The following A1CF variants were observed in gnomAD, a reference collection of about 807,000 sequenced individuals.
A1CF encodes APOBEC-1 stimulating protein.
Under a neutral mutation model 68.9 loss-of-function variants are expected in A1CF, and 48 were observed. The ratio of observed to expected loss-of-function variants is 0.70; its 90% CI spans 0.55 to 0.89. The LOEUF is 0.89. A1CF is among the 40% of genes least tolerant of loss of function. A1CF has a pLI of 0.00. For synonymous variants in A1CF, 272 were observed against 260.4 expected, an observed-to-expected ratio of 1.04 and a Z score of -0.43; for missense variants, 653 against 718.9, an observed-to-expected ratio of 0.91 and a Z score of 1.05.
In A1CF at chr10:50,811,211, T is replaced by C. The variant is rs1440845426; in HGVS notation, c.1324-35A>G. The C allele has an allele frequency of 3.2e-6, 5 of 1,577,322 alleles. No homozygotes were observed. In the African/African-American group the frequency reaches 5.4e-5, roughly 17 times the overall value. Reference sequence around the variant, plus strand: ...TAAAAAAAGTTATTTCCCCCTCAAATGACACATTCACATTATTTCCCAAGT... The same window carrying C: ...TAAAAAAAGTTATTTCCCCCTCAAACGACACATTCACATTATTTCCCAAGT... On this transcript the variant is annotated intron_variant, in intron 10 of 12. Coordinates refer to ENST00000373997, the MANE Select transcript of A1CF (RefSeq NM_014576.4).
chr10:50,868,761 A>G (rs1208117807), intron 1 of A1CF, among the ~76,000 whole-genome samples: 1 of 152,218 alleles, frequency 6.6e-6, no homozygotes, highest in Non-Finnish European at 1.5e-5. Context: ...TTTAAAGAAG[A>G]ACAAGCTTAC....
chr10:50,820,987 CA>C (rs1383865419), intron 7 of A1CF, among the ~76,000 whole-genome samples: 1 of 152,058 alleles, frequency 6.6e-6, no homozygotes, highest in Admixed American at 6.6e-5. Context: ...GAGTTGAACT[CA>C]ATTATTGATC....
intron 1 of A1CF, among the ~76,000 whole-genome samples, chr10:50,866,691 G>C (rs1039961762): frequency 6.6e-6 from 1 of 152,124 alleles, no homozygotes; most frequent in African/African-American, 2.4e-5. Context: ...CATTTATCTT[G>C]TACCTAAAAG....
intron 1 of A1CF, among the ~76,000 whole-genome samples, chr10:50,884,703 T>C (rs1044013954): frequency 6.6e-6 from 1 of 152,214 alleles, no homozygotes; most frequent in Non-Finnish European, 1.5e-5. Context: ...AAAAGTCCTA[T>C]AGTAAATAAA....
chr10:50,846,550 A>G (rs963416273), intron 3 of A1CF, among the ~76,000 whole-genome samples: 2 of 152,232 alleles, frequency 1.3e-5, no homozygotes, highest in African/African-American at 4.8e-5. Flanking sequence ...AGTTGAGGAA[A>G]CCAAACTTTA....
intron 4 of A1CF, among the ~76,000 whole-genome samples, chr10:50,843,364 T>C (rs1054406309): frequency 2.3e-4 from 35 of 152,188 alleles, no homozygotes; most frequent in African/African-American, 7.0e-4. Flanking sequence ...ACAAAATTGA[T>C]TTTGGCATTC....
chr10:50,849,194 C>T (rs574071353), intron 3 of A1CF, among the ~76,000 whole-genome samples: 4 of 152,146 alleles, frequency 2.6e-5, no homozygotes, highest in Non-Finnish European at 5.9e-5. Context: ...GAGAACAACA[C>T]ACAGTGCTGC....
At chr10:50,833,517 G>A (rs1432587703) in intron 6 of A1CF, among the ~76,000 whole-genome samples, 1 of 152,170 alleles carries the variant, frequency 6.6e-6, no homozygotes, top group Non-Finnish European at 1.5e-5. Flanking sequence ...GTTTAGAGAG[G>A]AGGTAAGTGA....
At chr10:50,830,801 C>A (rs1190163726) in intron 6 of A1CF, among the ~76,000 whole-genome samples, 1 of 151,982 alleles carries the variant, frequency 6.6e-6, no homozygotes, top group Non-Finnish European at 1.5e-5. Flanking sequence ...AAGACCCTAG[C>A]CAAAGAAATC....
rs185072229 is a variant in A1CF, at chr10:50,802,723, A to G, written c.*4006T>C. On this transcript the variant is annotated 3_prime_UTR_variant, in exon 13 of 13. Coordinates refer to ENST00000373997, the MANE Select transcript of A1CF (RefSeq NM_014576.4). The stretch of plus-strand genomic sequence containing the variant: ...ATAATAATATACTTTATCAAACTTC[A>G]TAGGTTAGAATGCAATGAAAATTTA... 7 of 152,260 alleles carry G rather than the reference A, an allele frequency of 4.6e-5. No individual in the cohort carries two copies. The East Asian group carries it at 1.4e-3, about 29-fold the overall frequency. The allele number at this position is 152,260 out of a possible 1,614,324, so 9.4% of individuals were successfully genotyped here.
rs547616788 is a variant in A1CF at position 50,867,464 on chromosome 10, T to C, written c.-93-3384A>G. On this transcript the variant is annotated intron_variant, in intron 1 of 12. Transcript: ENST00000373997. ...AGAAAAACAAATCTGTTCTCATTCA[T>C]AAATGGGAGCTACATAATGTGTACA... Among the ~76,000 whole-genome samples, 4 of 152,252 alleles carry C rather than the reference T, an allele frequency of 2.6e-5. No homozygotes were observed. In the South Asian group the frequency reaches 8.3e-4, roughly 32 times the overall value.
chr10:50,822,701 A>G (rs994726321), intron 7 of A1CF: 2 of 152,218 alleles, frequency 1.3e-5, no homozygotes, highest in Non-Finnish European at 2.9e-5. Context: ...GAAGCATGAG[A>G]CATATAATTA....
chr10:50,845,582 T>C (rs1419919887), intron 3 of A1CF, among the ~76,000 whole-genome samples: 1 of 152,200 alleles, frequency 6.6e-6, no homozygotes, highest in African/African-American at 2.4e-5. Flanking sequence ...CAGTCAGGCA[T>C]CAAAGTTCAT....
At chr10:50,842,613 A>C (rs928715923) in intron 4 of A1CF, among the ~76,000 whole-genome samples, 2 of 152,220 alleles carry the variant, frequency 1.3e-5, no homozygotes, top group African/African-American at 4.8e-5. Flanking sequence ...ACTGTCTCAA[A>C]AAAAGTGCAA....
chr10:50,877,122 A>C (rs1841550655), intron 1 of A1CF, among the ~76,000 whole-genome samples: 1 of 152,212 alleles, frequency 6.6e-6, no homozygotes, highest in Non-Finnish European at 1.5e-5. Context: ...ACATGGCCTA[A>C]TGAAAAAAGC....
At chr10:50,877,189 G>A (rs923460496) in intron 1 of A1CF, among the ~76,000 whole-genome samples, 5 of 152,192 alleles carry the variant, frequency 3.3e-5, no homozygotes, top group East Asian at 1.9e-4. Context: ...TGGTAAAGTG[G>A]TAATCATGGT....
intron 1 of A1CF, among the ~76,000 whole-genome samples, chr10:50,877,556 T>G (rs928179273): frequency 3.3e-5 from 5 of 152,228 alleles, no homozygotes; most frequent in African/African-American, 1.2e-4. Context: ...ATCTGACACT[T>G]GTAAGGAAAG....
chr10:50,834,503 G>C lies in A1CF; in HGVS notation c.604+1571C>G, dbSNP rs114767857. Among the ~76,000 whole-genome samples the C allele has an allele frequency of 5.0e-3, 768 of 152,284 alleles. 8 individuals carry two copies. Among genetic ancestry groups the C allele is most frequent in the African/African-American group, 0.017 (704 of 41,576 alleles). Reference sequence around the variant, plus strand: ...GGTGTCTGTCCTGATAGAAGGAAGAGTTTTTATTGGGAAATAGAAGGTAGC... The same window carrying C: ...GGTGTCTGTCCTGATAGAAGGAAGACTTTTTATTGGGAAATAGAAGGTAGC... On this transcript the variant is annotated intron_variant, in intron 6 of 12. Coordinates refer to ENST00000373997, the MANE Select transcript of A1CF (RefSeq NM_014576.4).
intron 10 of A1CF, among the ~76,000 whole-genome samples, chr10:50,813,653 T>A (rs2132327232): frequency 6.6e-6 from 1 of 152,256 alleles, no homozygotes; most frequent in Admixed American, 6.5e-5. Flanking sequence ...TATGATTTTT[T>A]AAAAAAGAGA....
Sources: allele counts gnomAD v4.1 joint callset (sites outside exome capture counted in the v4.1 genomes callset), GRCh38; gene constraint gnomAD v4.1.1; transcripts MANE v1.5; gene names NCBI Gene and HGNC (gene_info 2026-07-23, HGNC 2026-07-21).